Variants in DOCK4 observed in about 807,000 individuals in gnomAD.
DOCK4 encodes dedicator of cytokinesis 4.
A neutral mutation model predicts 268.1 loss-of-function variants in DOCK4; 97 were observed. That is an observed-to-expected ratio of 0.36 (90% CI 0.31 to 0.43). The LOEUF is 0.43. Among genes scored for constraint, DOCK4 ranks in the 20% least tolerant of loss-of-function variants. DOCK4 has a pLI of 1.00. For missense variants in DOCK4, 2,145 were observed against 2,455.7 expected (o/e 0.87, Z 2.67); for synonymous variants, 954 against 887.2 (o/e 1.08, Z -1.34).
At chr7:111,834,546 C>A in intron 26 of DOCK4, 42 bp downstream of exon 26, 2 of 1,426,232 alleles carry the variant, frequency 1.4e-6, no homozygotes, top group South Asian at 1.3e-5. Context: ...CAAGATAAAC[C>A]CAAAAGATAT....
chr7:111,780,174 CG>C (rs1271165400), intron 35 of DOCK4, among the ~76,000 whole-genome samples: 57 of 152,256 alleles, frequency 3.7e-4, no homozygotes, highest in African/African-American at 1.2e-3. Flanking sequence ...ATGTACTTTC[CG>C]CCCATTACCT....
intron 4 of DOCK4, among the ~76,000 whole-genome samples, chr7:111,997,826 G>T (rs1160397871): frequency 6.6e-6 from 1 of 152,146 alleles, no homozygotes; most frequent in East Asian, 1.9e-4. Context: ...ACACAGGCAA[G>T]TTCTTCTGTT....
At chr7:111,766,772 T>C (rs1797784857) in intron 38 of DOCK4, among the ~76,000 whole-genome samples, 1 of 152,220 alleles carries the variant, frequency 6.6e-6, no homozygotes. Flanking sequence ...CACAATAAAC[T>C]AAAAGTGTTA....
chr7:111,782,758 CT>C (rs1382207022), intron 35 of DOCK4, 105 bp downstream of exon 35: 4 of 1,174,960 alleles, frequency 3.4e-6, no homozygotes, highest in Non-Finnish European at 5.0e-6. Context: ...AATAACTCTT[CT>C]AAGAAACATC....
At chr7:111,990,378 G>C (rs969057552) in intron 5 of DOCK4, among the ~76,000 whole-genome samples, 7 of 152,146 alleles carry the variant, frequency 4.6e-5, no homozygotes, top group Non-Finnish European at 1.0e-4. Flanking sequence ...AAAATTATGA[G>C]TGGACCTCAT....
intron 47 of DOCK4, chr7:111,740,178 C>T (rs1004339828): frequency 1.5e-4 from 60 of 398,102 alleles, no homozygotes; most frequent in Non-Finnish European, 2.3e-4. Context: ...CGGCTCACTG[C>T]AACCTCCTCC....
At chr7:111,742,301 C>T (rs1795970324) in intron 44 of DOCK4, among the ~76,000 whole-genome samples, 169 bp from the exon 45 acceptor site, 1 of 152,198 alleles carries the variant, frequency 6.6e-6, no homozygotes, top group Non-Finnish European at 1.5e-5. Flanking sequence ...AACTGAGGAT[C>T]TGAAAAATCC....
chr7:112,194,075 G>A (rs950809354), intron 1 of DOCK4, among the ~76,000 whole-genome samples: 10 of 152,104 alleles, frequency 6.6e-5, no homozygotes, highest in Admixed American at 2.6e-4. Context: ...CATATTGGGA[G>A]TTAGGGCTTC....
At chr7:111,926,585 G>C (rs1182551820) in intron 12 of DOCK4, among the ~76,000 whole-genome samples, 1 of 149,192 alleles carries the variant, frequency 6.7e-6, no homozygotes, top group Non-Finnish European at 1.5e-5. Flanking sequence ...CGGGCAAGGC[G>C]GGCAAGGTGG....
At chr7:111,897,644 A>G (rs960160815) in intron 15 of DOCK4, among the ~76,000 whole-genome samples, 5 of 152,146 alleles carry the variant, frequency 3.3e-5, no homozygotes, top group African/African-American at 1.2e-4. Context: ...CACCATGGAA[A>G]TCAGCAAATG....
intron 8 of DOCK4, 134 bp from the exon 9 acceptor site, chr7:111,945,932 A>T: frequency 1.5e-6 from 1 of 655,218 alleles, no homozygotes; most frequent in Non-Finnish European, 2.5e-6. Flanking sequence ...TGCTTATATA[A>T]ATTAGGAGAG....
At position 111,803,779 on chromosome 7, in the gene DOCK4, C is replaced by T. The variant is rs554052763; in HGVS notation, c.3166+5042G>A. The stretch of plus-strand genomic sequence containing the variant: ...GCTCTTGATAGAACATTTTTTAGTC[C>T]TTCAACTTAGAAAATGAAAACGCTG... On this transcript the variant is annotated intron_variant, in intron 30 of 52. Coordinates refer to ENST00000428084, the MANE Select transcript of DOCK4 (RefSeq NM_001363540.2). Among the ~76,000 whole-genome samples the T allele has an allele frequency of 2.6e-5, 4 of 152,156 alleles. 1 individual carries two copies. Among genetic ancestry groups the T allele is most frequent in the East Asian group, 1.9e-4 (1 of 5,168 alleles).
intron 1 of DOCK4, among the ~76,000 whole-genome samples, chr7:112,159,652 A>C (rs1226054909): frequency 6.6e-6 from 1 of 152,014 alleles, no homozygotes; most frequent in East Asian, 1.9e-4. Flanking sequence ...TCTAGCACTT[A>C]TATGACCCTC....
At position 111,742,169 on chromosome 7, in the gene DOCK4, T is replaced by G. The variant is rs751271406; in HGVS notation, c.4678-37A>C. The stretch of plus-strand genomic sequence containing the variant: ...ACATAAGGAAAAAACCTCACATCAA[T>G]GACTACCTCTCACTAAGTGCCTGCT... On this transcript the variant is annotated intron_variant, in intron 44 of 52. Coordinates refer to ENST00000428084, the MANE Select transcript of DOCK4 (RefSeq NM_001363540.2). 2.4e-5 allele frequency: 37 copies of G among 1,529,548 alleles called. No individual in the cohort carries two copies. The Middle Eastern group carries it at 7.0e-4, about 29-fold the overall frequency. The allele number at this position is 1,529,548 out of a possible 1,614,324, so 94.7% of individuals were successfully genotyped here.
intron 30 of DOCK4, among the ~76,000 whole-genome samples, chr7:111,799,881 T>G (rs1800147352): frequency 6.6e-6 from 1 of 152,220 alleles, no homozygotes; most frequent in African/African-American, 2.4e-5. Context: ...TATGCCACTC[T>G]TGTGGAAACT....
At chr7:111,900,680 T>C in intron 14 of DOCK4, 144 bp from the exon 15 acceptor site, 1 of 821,106 alleles carries the variant, frequency 1.2e-6, no homozygotes. Context: ...TGTGTTTCTG[T>C]ACTTGCTGCT....
rs774159109 is a variant in DOCK4, at chr7:111,994,258, A to G, written c.219-27T>C. The G allele has an allele frequency of 7.7e-6, 11 of 1,430,438 alleles. No homozygotes were observed. In the Admixed American group the frequency reaches 1.3e-4, roughly 17 times the overall value. 88.6% of individuals were successfully genotyped at this position (1,430,438 alleles called of 1,614,324 possible). A position where few individuals can be genotyped will look rare whatever the true frequency, so the allele number is the denominator to read the frequency against. On this transcript the variant is annotated intron_variant, in intron 4 of 52. Coordinates refer to ENST00000428084, the MANE Select transcript of DOCK4 (RefSeq NM_001363540.2). Reference sequence around the variant, plus strand: ...TGTGAAATTAAAAAAGAAAAAGTATATATGTAAATACCATAGACAACAATT... The same window carrying G: ...TGTGAAATTAAAAAAGAAAAAGTATGTATGTAAATACCATAGACAACAATT...
In DOCK4 at chr7:111,728,435, C is replaced by G; in HGVS notation, c.5767G>C (p.Val1923Leu). 6.3e-7 allele frequency: 1 copy of G among 1,591,542 alleles called. No individual in the cohort carries two copies. The highest frequency in any genetic ancestry group is 8.6e-7 in the Non-Finnish European group (1 of 1,167,522). Residue 1923 changes from valine (V) to leucine (L), a missense_variant, in exon 53 of 53, where the codon GTC (valine) becomes CTC (leucine). This residue lies in a region of DOCK4 where 547 missense variants were observed against 469.0 expected (regional missense o/e 1.17). Coordinates refer to ENST00000428084, the MANE Select transcript of DOCK4 (RefSeq NM_001363540.2). ...SVYERTLRRP[V>L]PLPHSLSIPV... is the part of the protein sequence containing the mutation. ...ATGGAGAGGCTGTGAGGTAGCGGGACGGGGCGCCGCAGAGTCCGCTCGTAG... is the reference window on the plus strand; with the variant it reads ...ATGGAGAGGCTGTGAGGTAGCGGGAGGGGGCGCCGCAGAGTCCGCTCGTAG...
intron 26 of DOCK4, among the ~76,000 whole-genome samples, chr7:111,823,364 G>A (rs1204142231): frequency 5.3e-5 from 8 of 151,564 alleles, no homozygotes; most frequent in Non-Finnish European, 1.0e-4. Flanking sequence ...CTGCCACCAC[G>A]TCCAGCTAAT....
Sources: gnomAD v4.1 joint callset for allele counts (sites outside exome capture counted in the v4.1 genomes callset) on GRCh38, gnomAD v4.1.1 for gene constraint, gnomAD v4.1.1 regional missense constraint, MANE v1.5 for transcripts, NCBI Gene and HGNC (gene_info 2026-07-23, HGNC 2026-07-21) for gene names.